The following LNPEP variants were observed in gnomAD, a reference collection of about 807,000 sequenced individuals.
LNPEP encodes the protein leucyl and cystinyl aminopeptidase.
In LNPEP, 64 loss-of-function variants were observed where a neutral mutation model predicts 120.6. The ratio of observed to expected loss-of-function variants is 0.53; its 90% CI spans 0.43 to 0.65. LNPEP has a LOEUF of 0.65. LNPEP is among the 30% of genes least tolerant of loss of function. LNPEP has a pLI of 0.00. For missense variants in LNPEP, 1,057 were observed against 1,200.0 expected, an observed-to-expected ratio of 0.88 and a Z score of 1.76; for synonymous variants, 435 against 425.4, an observed-to-expected ratio of 1.02 and a Z score of -0.28.
intron 1 of LNPEP, among the ~76,000 whole-genome samples, chr5:96,965,438 G>A (rs10071975): frequency 6.6e-6 from 1 of 151,690 alleles, no homozygotes; most frequent in Non-Finnish European, 1.5e-5. Context: ...TTTTTCTTGC[G>A]CATACCTAAT....
rs75860942 is a variant in LNPEP at position 96,944,303 on chromosome 5, G to T, written c.19+8129G>T. ...GTCAAACTGTAAAATCTTTAAAGAG[G>T]CTTATTCTGAGATAAATAATGTGTG... On this transcript the variant is annotated intron_variant, in intron 1 of 17. Transcript: ENST00000231368. Among the ~76,000 whole-genome samples, 26 of 152,184 alleles carry T rather than the reference G, an allele frequency of 1.7e-4. No individual in the cohort carries two copies. In the East Asian group the frequency reaches 4.1e-3, roughly 24 times the overall value.
chr5:96,977,293 C>T (rs570007509), intron 1 of LNPEP, among the ~76,000 whole-genome samples: 13 of 151,738 alleles, frequency 8.6e-5, no homozygotes, highest in South Asian at 6.2e-4. Context: ...AGCTGAGGTA[C>T]GGAATACCAG....
intron 11 of LNPEP, 126 bp downstream of exon 11, chr5:97,006,641 AAGATGTG>A: frequency 1.6e-6 from 1 of 638,600 alleles, no homozygotes; most frequent in Non-Finnish European, 2.8e-6. Context: ...TTGCATATGC[AAGATGTG>A]ACTAATGTGA....
At position 97,008,337 on chromosome 5, in the gene LNPEP, G is replaced by GTTTTTTTTTTTTTTTTTT. The variant is rs781727347; in HGVS notation, c.2035+1836_2035+1853dup. On this transcript the variant is annotated intron_variant, in intron 11 of 17. Transcript: ENST00000231368. Reference sequence around the variant, plus strand: ...TTGATTTTTTTGTTTGTTTTTTCTTGTTTTTTTTTTTTTTTTTTTTTTTTT... The same window carrying GTTTTTTTTTTTTTTTTTT: ...TTGATTTTTTTGTTTGTTTTTTCTTGTTTTTTTTTTTTTTTTTTTTTTTTTTTTTTTTTTTTTTTTTTT... Among the ~76,000 whole-genome samples the GTTTTTTTTTTTTTTTTTT allele has an allele frequency of 6.0e-4, 36 of 59,842 alleles. 4 individuals are homozygous for GTTTTTTTTTTTTTTTTTT. Among genetic ancestry groups the GTTTTTTTTTTTTTTTTTT allele is most frequent in the Non-Finnish European group, 8.0e-4 (28 of 34,900 alleles). 39.3% of individuals were successfully genotyped at this position (59,842 alleles called of 152,430 possible).
chr5:96,940,692 T>C (rs1435738589), intron 1 of LNPEP, among the ~76,000 whole-genome samples: 1 of 152,250 alleles, frequency 6.6e-6, no homozygotes, highest in Non-Finnish European at 1.5e-5. Flanking sequence ...ATTAACCCTG[T>C]CTATGAAAAC....
chr5:97,013,005 GACACATTTT>G (rs1790977008), intron 11 of LNPEP, among the ~76,000 whole-genome samples: 1 of 152,078 alleles, frequency 6.6e-6, no homozygotes. Context: ...GCCAAAATGG[GACACATTTT>G]ACACAGTTCT....
At position 97,035,475 on chromosome 5, in the gene LNPEP, T is replaced by G. The variant is rs1791556506; in HGVS notation, c.*6942T>G. ...ATATGTTTTCATATCTTTATTTCAT[T>G]TTGTAGTCTTTTGCATGGCTATGTA... On this transcript the variant is annotated 3_prime_UTR_variant, in exon 18 of 18. Coordinates refer to ENST00000231368, the MANE Select transcript of LNPEP (RefSeq NM_005575.3). 2 of 152,104 alleles carry G rather than the reference T, an allele frequency of 1.3e-5. No individual in the cohort carries two copies. The highest frequency in any genetic ancestry group is 4.8e-5 in the African/African-American group (2 of 41,432). The allele number at this position is 152,104 out of a possible 1,614,324, so 9.4% of individuals were successfully genotyped here. A position where few individuals can be genotyped will look rare whatever the true frequency, so the allele number is the denominator to read the frequency against.
chr5:97,025,746 G>A (rs1205703807), intron 15 of LNPEP, among the ~76,000 whole-genome samples: 1 of 152,038 alleles, frequency 6.6e-6, no homozygotes, highest in South Asian at 2.1e-4. Flanking sequence ...CCAGTGTTTT[G>A]TGACCATCTT....
intron 1 of LNPEP, among the ~76,000 whole-genome samples, chr5:96,975,848 A>T (rs1431699331): frequency 6.6e-6 from 1 of 152,152 alleles, no homozygotes; most frequent in Non-Finnish European, 1.5e-5. Context: ...CACAAACAAC[A>T]TTGAGGAATG....
chr5:96,941,461 C>G (rs1256908305), intron 1 of LNPEP, among the ~76,000 whole-genome samples: 1 of 152,048 alleles, frequency 6.6e-6, no homozygotes. Context: ...AAGACACAGT[C>G]TTTTATTTAT....
At chr5:97,001,929 C>T (rs1188423951) in intron 8 of LNPEP, among the ~76,000 whole-genome samples, 1 of 152,126 alleles carries the variant, frequency 6.6e-6, no homozygotes, top group Non-Finnish European at 1.5e-5. Context: ...CACCTGAGGT[C>T]AGCAGTTCAA....
intron 4 of LNPEP, among the ~76,000 whole-genome samples, chr5:96,987,956 G>A (rs772359882): frequency 1.3e-4 from 20 of 152,154 alleles, no homozygotes; most frequent in Non-Finnish European, 2.1e-4. Context: ...TGAATACTAC[G>A]TTCTCCATGA....
At chr5:96,972,094 A>T (rs1207984930) in intron 1 of LNPEP, among the ~76,000 whole-genome samples, 1 of 152,078 alleles carries the variant, frequency 6.6e-6, no homozygotes, top group African/African-American at 2.4e-5. Context: ...ACTCTGTAAA[A>T]TGTTGATTTT....
chr5:96,977,005 T>C (rs1369982423), intron 1 of LNPEP, among the ~76,000 whole-genome samples: 1 of 152,032 alleles, frequency 6.6e-6, no homozygotes, highest in Non-Finnish European at 1.5e-5. Context: ...GTTAGAACCC[T>C]TCTTCTTTCA....
chr5:96,981,306 G>A (rs1300117510), intron 2 of LNPEP, among the ~76,000 whole-genome samples: 1 of 151,952 alleles, frequency 6.6e-6, no homozygotes, highest in Non-Finnish European at 1.5e-5. Context: ...ACATTTACCT[G>A]GAATCAAGAT....
intron 8 of LNPEP, 22 bp from the exon 9 acceptor site, chr5:97,003,393 T>C: frequency 7.5e-7 from 1 of 1,336,954 alleles, no homozygotes; most frequent in South Asian, 1.3e-5. Context: ...TCTTTCTTTT[T>C]CCTCACTTTT....
chr5:97,010,887 T>G, intron 11 of LNPEP: 1 of 985,428 alleles, frequency 1.0e-6, no homozygotes, highest in Non-Finnish European at 1.2e-6. Context: ...CCATTCTGGA[T>G]CATTCAGAAG....
chr5:96,998,078 C>A lies in LNPEP; in HGVS notation c.1586C>A (p.Pro529Gln), dbSNP rs1790557393. The stretch of plus-strand genomic sequence containing the variant: ...AAAGATTCCTTAAATTCATCTCATC[C>A]AATATCATCATCTGTTCAGTCTTCA... ...MKKDSLNSSH[P>Q]ISSSVQSSEQ... The change falls in exon 8 of 18, where the codon CCA (proline) becomes CAA (glutamine). Residue 529 changes from proline (P) to glutamine (Q), a missense_variant. Physicochemically the swap from Pro to Gln is moderately conservative, Grantham distance 76 (BLOSUM62 -1). Coordinates refer to ENST00000231368, the MANE Select transcript of LNPEP (RefSeq NM_005575.3). The A allele has an allele frequency of 1.3e-6, 2 of 1,579,474 alleles. No individual in the cohort carries two copies. Among genetic ancestry groups the A allele is most frequent in the African/African-American group, 1.4e-5 (1 of 74,066 alleles).
intron 11 of LNPEP, chr5:97,011,260 C>CT: frequency 1.1e-6 from 1 of 902,112 alleles, no homozygotes; most frequent in Non-Finnish European, 1.3e-6. Flanking sequence ...GGGTCCTGCT[C>CT]TGTCACCCAG....
Sources: gnomAD v4.1 joint callset for allele counts (sites outside exome capture counted in the v4.1 genomes callset) on GRCh38, gnomAD v4.1.1 for gene constraint, MANE v1.5 for transcripts, NCBI Gene and HGNC (gene_info 2026-07-23, HGNC 2026-07-21) for gene names.